Variants in LYRM4 observed in about 807,000 individuals in gnomAD.
LYRM4 encodes the protein LYR motif containing 4.
LYRM4 carries 9 observed loss-of-function variants against 11.7 expected under a neutral mutation model. The ratio of observed to expected loss-of-function variants is 0.77; its 90% CI spans 0.46 to 1.34. LYRM4 has a LOEUF of 1.34. Ranked by LOEUF, LYRM4 falls within the 40% of genes most tolerant of loss-of-function variation. LYRM4 has a pLI of 0.00. For synonymous variants in LYRM4, 42 were observed against 40.4 expected (o/e 1.04, Z -0.15); for missense variants, 133 against 112.5 (o/e 1.18, Z -0.82).
At chr6:5,109,682 A>G (rs1762789305) in intron 2 of LYRM4, among the ~76,000 whole-genome samples, 191 bp from the exon 3 acceptor site, 1 of 150,286 alleles carries the variant, frequency 6.7e-6, no homozygotes, top group South Asian at 2.1e-4. Flanking sequence ...TCACTGTGAG[A>G]AGTTACAGAG....
intron 1 of LYRM4, among the ~76,000 whole-genome samples, chr6:5,248,443 G>A (rs1230457854): frequency 6.6e-6 from 1 of 152,204 alleles, no homozygotes; most frequent in Non-Finnish European, 1.5e-5. Flanking sequence ...TTTCAATGCC[G>A]AGGACCACGT....
At chr6:5,188,679 A>G (rs1395349550) in intron 2 of LYRM4, among the ~76,000 whole-genome samples, 3 of 152,178 alleles carry the variant, frequency 2.0e-5, no homozygotes, top group Non-Finnish European at 4.4e-5. Context: ...TTATAGTACT[A>G]TTGGAGGATT....
chr6:5,230,641 A>G (rs994033233), intron 1 of LYRM4, among the ~76,000 whole-genome samples: 2 of 152,266 alleles, frequency 1.3e-5, no homozygotes, highest in Non-Finnish European at 2.9e-5. Flanking sequence ...AATTAATTCT[A>G]GATTTTCCAC....
intron 1 of LYRM4, among the ~76,000 whole-genome samples, chr6:5,245,163 T>TATATATATATATAA (rs1373926501): frequency 7.7e-5 from 5 of 65,250 alleles, no homozygotes; most frequent in Non-Finnish European, 8.7e-5. Context: ...TATATATATA[T>TATATATATATATAA]AAAATAGGTG....
chr6:5,209,372 C>T (rs886871727), intron 2 of LYRM4, among the ~76,000 whole-genome samples: 8 of 152,198 alleles, frequency 5.3e-5, no homozygotes, highest in African/African-American at 1.9e-4. Flanking sequence ...GCTGAGATTA[C>T]AGGTGTGAAT....
At position 5,245,112 on chromosome 6, in the gene LYRM4, AAATATATATATATATATATATAT is replaced by A. The variant is rs1376515457; in HGVS notation, c.86+15513_86+15535del. The stretch of plus-strand genomic sequence containing the variant: ...CTTAAAAAAAAAAAAAAAAAAAAAA[AAATATATATATATATATATATAT>A]ATATATATATATATATATATATATA... On this transcript the variant is annotated intron_variant, in intron 1 of 2. Coordinates refer to ENST00000330636, the MANE Select transcript of LYRM4 (RefSeq NM_020408.6). 3.0e-3 allele frequency among the ~76,000 whole-genome samples: 96 copies of A among 31,972 alleles called. 2 individuals carry two copies. Among genetic ancestry groups the A allele is most frequent in the African/African-American group, 0.013 (86 of 6,432 alleles). The allele number at this position is 31,972 out of a possible 152,430, so 21.0% of individuals were successfully genotyped here.
chr6:5,063,455 C>G, the LYRM4 span, among the ~76,000 whole-genome samples: 4 of 152,254 alleles, frequency 2.6e-5, no homozygotes, highest in East Asian at 7.7e-4. Context: ...GCCTATCCTC[C>G]TGGTCTCCTT....
intron 2 of LYRM4, among the ~76,000 whole-genome samples, chr6:5,130,160 C>T (rs939758133): frequency 1.3e-5 from 2 of 152,126 alleles, no homozygotes; most frequent in African/African-American, 2.4e-5. Context: ...CTGGGGGAGA[C>T]ACTGGTGTGA....
chr6:5,109,340 T>C lies in LYRM4; in HGVS notation c.*83A>G. 1 of 1,599,618 alleles carries C rather than the reference T, an allele frequency of 6.3e-7. No individual in the cohort carries two copies. The highest frequency in any genetic ancestry group is 8.6e-7 in the Non-Finnish European group (1 of 1,169,266). On this transcript the variant is annotated 3_prime_UTR_variant, in exon 3 of 3. Coordinates refer to ENST00000330636, the MANE Select transcript of LYRM4 (RefSeq NM_020408.6). ...GGCAGCGCAAAAGGCTATTGTAAGC[T>C]GGTTTTGGGAGCCCCCATCTCAAAC...
chr6:5,071,596 GTGTGTATGTA>G, the LYRM4 span, among the ~76,000 whole-genome samples: 1 of 145,288 alleles, frequency 6.9e-6, no homozygotes, highest in Non-Finnish European at 1.6e-5. Flanking sequence ...ATGTGTATGT[GTGTGTATGTA>G]TGTGTGTGTG....
At chr6:5,082,221 C>A in the LYRM4 span, among the ~76,000 whole-genome samples, 7 of 152,128 alleles carry the variant, frequency 4.6e-5, no homozygotes, top group African/African-American at 1.7e-4. Context: ...GAAGTGGGGG[C>A]CGTCTTGTGG....
chr6:5,060,866 G>T, the LYRM4 span, among the ~76,000 whole-genome samples: 4 of 152,274 alleles, frequency 2.6e-5, no homozygotes, highest in Admixed American at 2.0e-4. Context: ...TTGAGAATTA[G>T]AATTCAGAGA....
intron 2 of LYRM4, among the ~76,000 whole-genome samples, chr6:5,174,525 G>C (rs908302043): frequency 7.2e-5 from 11 of 152,176 alleles, no homozygotes; most frequent in Admixed American, 7.2e-4. Flanking sequence ...GTCGCATCCT[G>C]TTTGGTGTCA....
At chr6:5,194,070 T>TG (rs1760913456) in intron 2 of LYRM4, among the ~76,000 whole-genome samples, 1 of 80,020 alleles carries the variant, frequency 1.2e-5, no homozygotes, top group Admixed American at 1.8e-4. Context: ...AGGGTGTGTG[T>TG]GGGGGGGTGG....
At chr6:5,155,073 C>T (rs1022606245) in intron 2 of LYRM4, among the ~76,000 whole-genome samples, 1 of 151,944 alleles carries the variant, frequency 6.6e-6, no homozygotes, top group Non-Finnish European at 1.5e-5. Context: ...TACTGTGAGA[C>T]GGATCTTTTA....
chr6:5,130,800 T>C (rs1047864526), intron 2 of LYRM4, among the ~76,000 whole-genome samples: 7 of 152,022 alleles, frequency 4.6e-5, no homozygotes, highest in Non-Finnish European at 1.0e-4. Flanking sequence ...ATTATAAACA[T>C]TGGGCTACAG....
At chr6:5,072,456 C>T in the LYRM4 span, among the ~76,000 whole-genome samples, 1 of 152,078 alleles carries the variant, frequency 6.6e-6, no homozygotes, top group Non-Finnish European at 1.5e-5. Context: ...GTGTAAAAGC[C>T]TACATTTTTC....
chr6:5,066,138 G>A, the LYRM4 span: 1 of 563,698 alleles, frequency 1.8e-6, no homozygotes, highest in Middle Eastern at 3.6e-4. Flanking sequence ...TACACTTTGG[G>A]TTTTCCAGCC....
At position 5,195,152 on chromosome 6, in the gene LYRM4, TCA is replaced by T. The variant is rs1760977021; in HGVS notation, c.207+21464_207+21465del. On this transcript the variant is annotated intron_variant, in intron 2 of 2. Coordinates refer to ENST00000330636, the MANE Select transcript of LYRM4 (RefSeq NM_020408.6). ...AAGTCCTACCTTTCATTCTTGCAGC[TCA>T]CAGGACGGCCCTGCAAAATCTTGAA... is the stretch of plus-strand genomic sequence containing the variant. Among the ~76,000 whole-genome samples, 5 of 152,312 alleles carry T rather than the reference TCA, an allele frequency of 3.3e-5. No individual in the cohort carries two copies. In the South Asian group the frequency reaches 1.0e-3, roughly 32 times the overall value.
Sources: gnomAD v4.1 joint callset for allele counts (sites outside exome capture counted in the v4.1 genomes callset) on GRCh38, gnomAD v4.1.1 for gene constraint, MANE v1.5 for transcripts, NCBI Gene and HGNC (gene_info 2026-07-23, HGNC 2026-07-21) for gene names.